RBFOX1: variants seen among roughly 807,000 people sequenced by gnomAD.
RBFOX1 encodes the protein RNA binding protein fox-1 homolog 1.
A neutral mutation model predicts 57.7 loss-of-function variants in RBFOX1; 8 were observed. That is an observed-to-expected ratio of 0.14 (90% CI 0.08 to 0.25). RBFOX1 has a LOEUF of 0.25. Ranked by LOEUF, RBFOX1 falls within the 10% of genes least tolerant of loss-of-function variation. RBFOX1 has a pLI of 1.00. For synonymous variants in RBFOX1, 326 were observed against 222.4 expected (o/e 1.47, Z -4.15); for missense variants, 611 against 548.5 (o/e 1.11, Z -1.14).
chr16:5,760,582 G>A (rs568940173), intron 3 of RBFOX1, among the ~76,000 whole-genome samples: 30 of 152,110 alleles, frequency 2.0e-4, no homozygotes, highest in Non-Finnish European at 3.2e-4. Context: ...CCCTAGAAAA[G>A]AAAGAAGTAC....
intron 4 of RBFOX1, among the ~76,000 whole-genome samples, chr16:7,351,412 A>C (rs774274364): frequency 6.6e-6 from 1 of 152,268 alleles, no homozygotes; most frequent in Non-Finnish European, 1.5e-5. Flanking sequence ...TTAGGAACGC[A>C]ATGAAGTCAG....
chr16:7,602,702 C>T (rs1236835352), intron 9 of RBFOX1, among the ~76,000 whole-genome samples: 4 of 152,014 alleles, frequency 2.6e-5, no homozygotes, highest in Non-Finnish European at 4.4e-5. Context: ...TGAGTGGAGG[C>T]GATTTTCAAG....
intron 3 of RBFOX1, among the ~76,000 whole-genome samples, chr16:5,607,163 T>C (rs1460431415): frequency 6.6e-6 from 1 of 152,180 alleles, no homozygotes; most frequent in East Asian, 1.9e-4. Context: ...CACGCTCTAC[T>C]TCTCACTGCT....
chr16:6,605,448 A>G (rs9302824), intron 2 of RBFOX1, among the ~76,000 whole-genome samples: 9,916 of 152,112 alleles, frequency 0.065, 554 homozygotes, highest in African/African-American at 0.14. Context: ...TATTGTGGCA[A>G]TATTAGCTTT....
chr16:5,889,148 T>C (rs2057979243), intron 4 of RBFOX1, among the ~76,000 whole-genome samples: 1 of 152,180 alleles, frequency 6.6e-6, no homozygotes, highest in Non-Finnish European at 1.5e-5. Flanking sequence ...GGCTTGTAAA[T>C]GTGTGCCATG....
At chr16:6,699,543 C>T (rs887952681) in intron 3 of RBFOX1, among the ~76,000 whole-genome samples, 5 of 152,166 alleles carry the variant, frequency 3.3e-5, no homozygotes, top group Non-Finnish European at 7.3e-5. Flanking sequence ...TGGTTGGGCA[C>T]TCCAGTAACA....
chr16:6,844,834 C>A (rs965577321), intron 3 of RBFOX1, among the ~76,000 whole-genome samples: 1 of 152,094 alleles, frequency 6.6e-6, no homozygotes, highest in Non-Finnish European at 1.5e-5. Context: ...TTCTCCATAA[C>A]CTTGCCAGCA....
chr16:7,112,984 T>C (rs1040901386), intron 4 of RBFOX1, among the ~76,000 whole-genome samples: 3 of 152,164 alleles, frequency 2.0e-5, no homozygotes, highest in Non-Finnish European at 4.4e-5. Flanking sequence ...GCCGAATTGG[T>C]TGGTTGTTCT....
At chr16:7,000,073 G>GAAAA (rs58878438) in intron 3 of RBFOX1, among the ~76,000 whole-genome samples, 1 of 134,800 alleles carries the variant, frequency 7.4e-6, no homozygotes, top group Non-Finnish European at 1.6e-5. Context: ...CTGTTTCAAA[G>GAAAA]AAAAAAAAAA....
intron 2 of RBFOX1, among the ~76,000 whole-genome samples, chr16:6,580,338 A>C (rs988327900): frequency 6.6e-6 from 1 of 152,136 alleles, no homozygotes; most frequent in Non-Finnish European, 1.5e-5. Context: ...GCTGATAACT[A>C]TTTCCAGGTA....
intron 2 of RBFOX1, among the ~76,000 whole-genome samples, chr16:6,563,837 T>C (rs189447561): frequency 6.7e-6 from 1 of 149,264 alleles, no homozygotes; most frequent in Admixed American, 6.7e-5. Context: ...AAAAAAAAAA[T>C]ATATATATAT....
rs113962922 is a variant in RBFOX1, at chr16:7,560,038, G to C, written c.271-19739G>C. ...AAAGATTTATCTTGAGTGCATAGGAGTATGAATGGGTCACTCTGGGATGGG... is the reference window on the plus strand; with the variant it reads ...AAAGATTTATCTTGAGTGCATAGGACTATGAATGGGTCACTCTGGGATGGG... On this transcript the variant is annotated intron_variant, in intron 5 of 15. Transcript: ENST00000550418. Among the ~76,000 whole-genome samples, 704 of 152,352 alleles carry C rather than the reference G, an allele frequency of 4.6e-3. 8 individuals are homozygous for C. Among genetic ancestry groups the C allele is most frequent in the African/African-American group, 0.016 (678 of 41,584 alleles).
intron 4 of RBFOX1, among the ~76,000 whole-genome samples, chr16:7,153,248 C>A (rs931539869): frequency 2.0e-5 from 3 of 151,952 alleles, no homozygotes; most frequent in African/African-American, 7.3e-5. Context: ...ATGTCTCTAT[C>A]AAATGCATAC....
At chr16:6,774,759 T>G (rs530315122) in intron 3 of RBFOX1, among the ~76,000 whole-genome samples, 1 of 152,154 alleles carries the variant, frequency 6.6e-6, no homozygotes, top group South Asian at 2.1e-4. Context: ...AACTGTTGAG[T>G]TGAACTTTCT....
chr16:6,837,480 A>G (rs1186652345), intron 3 of RBFOX1, among the ~76,000 whole-genome samples: 1 of 152,208 alleles, frequency 6.6e-6, no homozygotes, highest in Non-Finnish European at 1.5e-5. Flanking sequence ...GATGAGAACT[A>G]GACATGGATG....
chr16:6,813,850 G>A lies in RBFOX1; in HGVS notation c.-16+159200G>A, dbSNP rs573554929. Reference sequence around the variant, plus strand: ...GCTGTTGATACCCCCAACCCCTCTGGCTTCCATCTGAGCTCAGCCAGCCCC... The same window carrying A: ...GCTGTTGATACCCCCAACCCCTCTGACTTCCATCTGAGCTCAGCCAGCCCC... On this transcript the variant is annotated intron_variant, in intron 3 of 15. Transcript: ENST00000550418. Among the ~76,000 whole-genome samples the A allele has an allele frequency of 2.0e-5, 3 of 152,102 alleles. No homozygotes were observed. In the South Asian group the frequency reaches 6.2e-4, roughly 32 times the overall value.
intron 2 of RBFOX1, among the ~76,000 whole-genome samples, chr16:6,395,520 A>C (rs925047078): frequency 2.0e-5 from 3 of 151,800 alleles, no homozygotes; most frequent in East Asian, 1.9e-4. Context: ...TTAAGTTCTT[A>C]CTTTTTTTTT....
intron 2 of RBFOX1, among the ~76,000 whole-genome samples, chr16:6,550,908 T>C (rs563635232): frequency 7.2e-5 from 11 of 152,292 alleles, no homozygotes; most frequent in African/African-American, 2.6e-4. Context: ...AGGGTGTGAA[T>C]ACTCGGGCAA....
intron 1 of RBFOX1, among the ~76,000 whole-genome samples, chr16:5,433,490 A>G (rs746457339): frequency 1.3e-5 from 2 of 152,180 alleles, no homozygotes; most frequent in Non-Finnish European, 2.9e-5. Context: ...TCCTGATGGC[A>G]TCTTTGAGGA....
Sources: allele counts gnomAD v4.1 joint callset (sites outside exome capture counted in the v4.1 genomes callset), GRCh38; gene constraint gnomAD v4.1.1; transcripts MANE v1.5; gene names NCBI Gene and HGNC (gene_info 2026-07-23, HGNC 2026-07-21).